The following SLC30A8 variants were observed in gnomAD, a reference collection of about 807,000 sequenced individuals.
SLC30A8 encodes the protein solute carrier family 30 member 8.
A neutral mutation model predicts 36.9 loss-of-function variants in SLC30A8; 27 were observed. That is an observed-to-expected ratio of 0.73 (90% CI 0.54 to 1.01). The LOEUF (loss-of-function observed/expected upper bound fraction) is 1.01, where lower values mean the gene tolerates loss of function less well. Among genes scored for constraint, SLC30A8 ranks in the 50% least tolerant of loss-of-function variants. The pLI is 0.00. For synonymous variants in SLC30A8, 164 were observed against 172.4 expected (o/e 0.95, Z 0.38); for missense variants, 439 against 452.0 (o/e 0.97, Z 0.26).
intron 2 of SLC30A8, among the ~76,000 whole-genome samples, chr8:117,052,909 CTT>C (rs35990196): frequency 4.2e-5 from 6 of 143,572 alleles, no homozygotes; most frequent in Admixed American, 7.0e-5. Context: ...CCTTTTTTTT[CTT>C]TTTTTTTTTT....
chr8:117,048,650 G>A (rs1017146646), intron 2 of SLC30A8, among the ~76,000 whole-genome samples: 10 of 152,150 alleles, frequency 6.6e-5, no homozygotes, highest in African/African-American at 2.2e-4. Context: ...GGTTTAGTAG[G>A]ATGGCTCAAT....
At chr8:116,971,215 G>GT (rs1814786765) in intron 1 of SLC30A8, among the ~76,000 whole-genome samples, 3 of 151,976 alleles carry the variant, frequency 2.0e-5, no homozygotes, top group Non-Finnish European at 4.4e-5. Flanking sequence ...CATGGCACGT[G>GT]TTTACCTATG....
chr8:117,150,165 A>G (rs1047734083), intron 2 of SLC30A8, among the ~76,000 whole-genome samples: 11 of 152,248 alleles, frequency 7.2e-5, no homozygotes, highest in South Asian at 2.1e-4. Context: ...TAACAACTCA[A>G]TGGGGTTTTG....
intron 2 of SLC30A8, among the ~76,000 whole-genome samples, chr8:117,126,136 AC>A (rs1471260630): frequency 6.6e-6 from 1 of 152,000 alleles, no homozygotes; most frequent in East Asian, 1.9e-4. Context: ...ATGGCAAAAA[AC>A]GTCCAATCAA....
intron 2 of SLC30A8, among the ~76,000 whole-genome samples, chr8:117,148,434 T>C (rs1353724747): frequency 1.3e-5 from 2 of 152,152 alleles, no homozygotes; most frequent in African/African-American, 4.8e-5. Flanking sequence ...GTGTTTCTGG[T>C]CTCTGTCAAG....
intron 2 of SLC30A8, among the ~76,000 whole-genome samples, chr8:117,101,501 T>C (rs552251987): frequency 3.3e-5 from 5 of 152,158 alleles, no homozygotes; most frequent in Admixed American, 1.3e-4. Flanking sequence ...AGTAATAGAG[T>C]TTGAAAAGAA....
intron 1 of SLC30A8, among the ~76,000 whole-genome samples, chr8:117,001,620 C>T (rs1461132676): frequency 6.6e-5 from 10 of 152,048 alleles, no homozygotes; most frequent in African/African-American, 1.2e-4. Context: ...GTTTTTTTCA[C>T]GTGAACATTT....
chr8:117,069,496 G>C (rs1818264884), intron 2 of SLC30A8, among the ~76,000 whole-genome samples: 2 of 152,094 alleles, frequency 1.3e-5, no homozygotes, highest in African/African-American at 2.4e-5. Flanking sequence ...GGATCCTCAG[G>C]GGTCAGTGGC....
rs759483753 is a variant in SLC30A8 at position 117,171,071 on chromosome 8, GC to G, written c.868del (p.Ile291PhefsTer2). ...KSLNYSGVKE[L>X]ILAVDGVLSV... ...GCCTGAATTACAGTGGTGTGAAAGA[GC>G]TTATTTTAGCAGTCGACGGGGTGCT... On this transcript the variant is annotated frameshift_variant, in exon 7 of 8. Coordinates refer to ENST00000456015, the MANE Select transcript of SLC30A8 (RefSeq NM_173851.3). LOFTEE classifies it high-confidence loss of function. 1.1e-5 allele frequency: 18 copies of G among 1,611,360 alleles called. No individual in the cohort carries two copies. Among genetic ancestry groups the G allele is most frequent in the Middle Eastern group, 3.3e-4 (2 of 6,048 alleles).
At chr8:117,060,963 A>G (rs1201336774) in intron 2 of SLC30A8, among the ~76,000 whole-genome samples, 1 of 151,760 alleles carries the variant, frequency 6.6e-6, no homozygotes, top group Non-Finnish European at 1.5e-5. Flanking sequence ...TTCTTTCTCT[A>G]CGTTTGAGCA....
intron 2 of SLC30A8, among the ~76,000 whole-genome samples, chr8:117,060,002 A>T (rs2130784262): frequency 6.6e-6 from 1 of 152,152 alleles, no homozygotes; most frequent in South Asian, 2.1e-4. Context: ...AACTGACTGG[A>T]TGTGGGAGTT....
chr8:117,041,700 T>A (rs1184390391), intron 2 of SLC30A8, among the ~76,000 whole-genome samples: 4 of 150,602 alleles, frequency 2.7e-5, no homozygotes, highest in Non-Finnish European at 4.4e-5. Flanking sequence ...AAAAAAAAAA[T>A]AAAAAAATAA....
intron 3 of SLC30A8, 74 bp from the exon 4 acceptor site, chr8:117,157,617 A>G: frequency 1.3e-6 from 2 of 1,541,834 alleles, no homozygotes; most frequent in Non-Finnish European, 1.8e-6. Context: ...AAAGTGTCTT[A>G]TGACTCTTGG....
At chr8:117,104,279 T>G (rs546449226) in intron 2 of SLC30A8, among the ~76,000 whole-genome samples, 3 of 152,304 alleles carry the variant, frequency 2.0e-5, no homozygotes, top group African/African-American at 7.2e-5. Context: ...TATTATAGGC[T>G]GCAAGGAGAA....
At chr8:116,978,268 A>T (rs1406404209) in intron 1 of SLC30A8, among the ~76,000 whole-genome samples, 1 of 152,142 alleles carries the variant, frequency 6.6e-6, no homozygotes, top group Non-Finnish European at 1.5e-5. Flanking sequence ...ATTAATAATG[A>T]ATATGCTTGT....
intron 4 of SLC30A8, 57 bp from the exon 5 acceptor site, chr8:117,161,681 T>C: frequency 6.6e-7 from 1 of 1,526,106 alleles, no homozygotes; most frequent in Non-Finnish European, 8.9e-7. Context: ...TCCATTATGC[T>C]GCCTACGTTT....
rs368133553 is a variant in SLC30A8, at chr8:116,996,092, C to T, written c.-265-43127C>T. ...CTAATAAATCTGCCTTTCTTTACTT[C>T]CAACTGTCTTGGTAAATTCCTTTAC... On this transcript the variant is annotated intron_variant, in intron 1 of 10. Transcript: ENST00000427715. Among the ~76,000 whole-genome samples the T allele has an allele frequency of 5.9e-5, 9 of 152,304 alleles. No individual in the cohort carries two copies. In the South Asian group the frequency reaches 1.9e-3, roughly 32 times the overall value.
chr8:117,044,812 C>A (rs1340898954), intron 2 of SLC30A8, among the ~76,000 whole-genome samples: 1 of 152,216 alleles, frequency 6.6e-6, no homozygotes, highest in Non-Finnish European at 1.5e-5. Flanking sequence ...GGAATCAGAT[C>A]CTCCTGGGCG....
chr8:117,093,834 C>T (rs1452312656), intron 2 of SLC30A8, among the ~76,000 whole-genome samples: 1 of 152,180 alleles, frequency 6.6e-6, no homozygotes, highest in Admixed American at 6.5e-5. Context: ...ACCTGAATCC[C>T]ATGCCTGCCA....
Sources: gnomAD v4.1 joint callset for allele counts (sites outside exome capture counted in the v4.1 genomes callset) on GRCh38, gnomAD v4.1.1 for gene constraint, MANE v1.5 for transcripts, NCBI Gene and HGNC (gene_info 2026-07-23, HGNC 2026-07-21) for gene names.